Variants in POU2AF1 observed in about 807,000 individuals in gnomAD.
POU2AF1 encodes POU domain class 2-associating factor 1.
A neutral mutation model predicts 26.3 loss-of-function variants in POU2AF1; 12 were observed. That is an observed-to-expected ratio of 0.46 (90% confidence interval 0.29 to 0.74). The LOEUF is 0.74. POU2AF1 is among the 30% of genes least tolerant of loss of function. POU2AF1 has a pLI of 0.09. For synonymous variants in POU2AF1, 175 were observed against 148.0 expected (o/e 1.18, Z -1.32); for missense variants, 297 against 334.5 (o/e 0.89, Z 0.87).
At chr11:111,361,579 T>C (rs528861622) in intron 1 of POU2AF1, among the ~76,000 whole-genome samples, 54 of 152,312 alleles carry the variant, frequency 3.5e-4, no homozygotes, top group African/African-American at 1.2e-3. Flanking sequence ...TACATGTGGT[T>C]TTAATTATCT....
chr11:111,359,866 A>G (rs1032643637), intron 1 of POU2AF1: 1 of 495,698 alleles, frequency 2.0e-6, no homozygotes, highest in East Asian at 5.6e-5. Flanking sequence ...ATTCTTTAAG[A>G]CATGCTGCCA....
chr11:111,377,774 C>T (rs1486610993), intron 1 of POU2AF1: 1 of 182,662 alleles, frequency 5.5e-6, no homozygotes, highest in African/African-American at 2.4e-5. Context: ...GAATGCCCAC[C>T]TGCTCTCATC....
Position 111,354,563 on chromosome 11 carries a change from C to A in POU2AF1, c.469G>T (p.Ala157Ser). The change falls in exon 5 of 5, where the codon GCC (alanine) becomes TCC (serine). Residue 157 changes from alanine (A) to serine (S), a missense_variant. By Grantham distance (99) the Ala-to-Ser change is moderately conservative. Transcript: ENST00000393067. ...LITNVTTRSS[A>S]TPAVGPPLEG... ...AGCGGGGGCCCCACTGCGGGCGTGG[C>A]GGAGCTTCTTGTCTGTGACAGGAAA... 1 of 1,526,872 alleles carries A rather than the reference C, an allele frequency of 6.5e-7. No homozygotes were observed. Among genetic ancestry groups the A allele is most frequent in the Admixed American group, 2.3e-5 (1 of 43,130 alleles). The allele number at this position is 1,526,872 out of a possible 1,614,324, so 94.6% of individuals were successfully genotyped here.
intron 1 of POU2AF1, among the ~76,000 whole-genome samples, chr11:111,365,908 T>G (rs1182731386): frequency 4.6e-5 from 7 of 152,244 alleles, no homozygotes; most frequent in African/African-American, 1.7e-4. Flanking sequence ...GAATTTTGTT[T>G]GTACTTGTGG....
intron 4 of POU2AF1, among the ~76,000 whole-genome samples, chr11:111,356,711 G>T (rs1860852710): frequency 6.6e-6 from 1 of 152,174 alleles, no homozygotes; most frequent in African/African-American, 2.4e-5. Flanking sequence ...AATGTTAGCA[G>T]ATTTTGATAT....
chr11:111,354,650 G>C (rs1860808417), intron 4 of POU2AF1, 75 bp from the exon 5 acceptor site: 2 of 1,261,628 alleles, frequency 1.6e-6, no homozygotes, highest in Non-Finnish European at 1.1e-6. Flanking sequence ...CCTTAGAGGG[G>C]TCTCCATCTC....
At position 111,357,704 on chromosome 11, in the gene POU2AF1, G is replaced by A; in HGVS notation, c.197C>T (p.Ser66Phe). 6.2e-7 allele frequency: 1 copy of A among 1,612,602 alleles called. No individual in the cohort carries two copies. Among genetic ancestry groups the A allele is most frequent in the Non-Finnish European group, 8.5e-7 (1 of 1,179,296 alleles). ...CACAGAACCTTCCATGTCCAGGCAGGAAGGACCTGTGGGAAGAAGGAAATT... is the reference window on the plus strand; with the variant it reads ...CACAGAACCTTCCATGTCCAGGCAGAAAGGACCTGTGGGAAGAAGGAAATT... ...PLATYTTVGPSCLDMEGSVSA... is the reference protein window; with the variant it reads ...PLATYTTVGPFCLDMEGSVSA... Residue 66 changes from serine to phenylalanine, a missense_variant, in exon 4 of 5, where the codon TCC becomes TTC. By Grantham distance (155) the Ser-to-Phe change is radical (BLOSUM62 -2). Coordinates refer to ENST00000393067, the MANE Select transcript of POU2AF1 (RefSeq NM_006235.3).
intron 4 of POU2AF1, among the ~76,000 whole-genome samples, chr11:111,355,315 C>G (rs1306026392): frequency 6.6e-6 from 1 of 152,254 alleles, no homozygotes; most frequent in Non-Finnish European, 1.5e-5. Context: ...GAGTCCTTCT[C>G]CTGAATGCTC....
chr11:111,355,085 C>G (rs1369148372), intron 4 of POU2AF1, among the ~76,000 whole-genome samples: 1 of 152,220 alleles, frequency 6.6e-6, no homozygotes, highest in Non-Finnish European at 1.5e-5. Flanking sequence ...TGGAGGTCCC[C>G]TTGGGCCAAC....
intron 1 of POU2AF1, among the ~76,000 whole-genome samples, chr11:111,376,582 T>C (rs1462808386): frequency 6.6e-6 from 1 of 152,200 alleles, no homozygotes; most frequent in Non-Finnish European, 1.5e-5. Context: ...TCACATTTAG[T>C]CCACAAACTA....
chr11:111,364,531 C>T (rs1420135961), intron 1 of POU2AF1, among the ~76,000 whole-genome samples: 2 of 152,216 alleles, frequency 1.3e-5, no homozygotes, highest in African/African-American at 2.4e-5. Flanking sequence ...GGTAACTTCT[C>T]TTCTGGGGCA....
chr11:111,358,544 A>G (rs1860926278), intron 2 of POU2AF1, among the ~76,000 whole-genome samples: 1 of 150,316 alleles, frequency 6.7e-6, no homozygotes, highest in Non-Finnish European at 1.5e-5. Context: ...ACACACAAAC[A>G]CATACACACT....
At chr11:111,375,201 A>G (rs1000110229) in intron 1 of POU2AF1, among the ~76,000 whole-genome samples, 1 of 152,210 alleles carries the variant, frequency 6.6e-6, no homozygotes. Context: ...CAACAACAAT[A>G]AAAAGCAACT....
At chr11:111,372,053 C>CAGAGAG (rs1452632987) in intron 1 of POU2AF1, among the ~76,000 whole-genome samples, 37 of 128,166 alleles carry the variant, frequency 2.9e-4, no homozygotes, top group African/African-American at 8.8e-4. Flanking sequence ...CACACACACA[C>CAGAGAG]ACACACACAC....
chr11:111,362,456 C>G (rs1374344975), intron 1 of POU2AF1, among the ~76,000 whole-genome samples: 1 of 152,246 alleles, frequency 6.6e-6, no homozygotes, highest in East Asian at 1.9e-4. Context: ...CCCACTCCCA[C>G]TCCCCCTGCT....
At chr11:111,372,069 C>CAGAGAGAGAGAGAGAGAGAGAGAGAG (rs150182572) in intron 1 of POU2AF1, among the ~76,000 whole-genome samples, 1 of 144,260 alleles carries the variant, frequency 6.9e-6, no homozygotes, top group African/African-American at 2.7e-5. Context: ...CACACACACA[C>CAGAGAGAGAGAGAGAGAGAGAGAGAG]AGAGAGAGAG....
chr11:111,353,773 G>A lies in POU2AF1; in HGVS notation c.*488C>T. On this transcript the variant is annotated 3_prime_UTR_variant, in exon 5 of 5. Coordinates refer to ENST00000393067, the MANE Select transcript of POU2AF1 (RefSeq NM_006235.3). Reference sequence around the variant, plus strand: ...CCAAGAAATGAAATGTGACAGAAATGAAAGCCCATGGACCACAGACTTGGC... The same window carrying A: ...CCAAGAAATGAAATGTGACAGAAATAAAAGCCCATGGACCACAGACTTGGC... The A allele has an allele frequency of 4.0e-6, 1 of 247,656 alleles. No homozygotes were observed. The highest frequency in any genetic ancestry group is 7.8e-6 in the Non-Finnish European group (1 of 129,018). The allele number at this position is 247,656 out of a possible 1,614,324, so 15.3% of individuals were successfully genotyped here.
Position 111,352,984 on chromosome 11 carries a change from AGG to A in POU2AF1, c.*1275_*1276del. On this transcript the variant is annotated 3_prime_UTR_variant, in exon 5 of 5. Coordinates refer to ENST00000393067, the MANE Select transcript of POU2AF1 (RefSeq NM_006235.3). ...GAGAGAGGAAGGAAGGAAGGAAGGA[AGG>A]AAGGAAAGAAGGAAGGAAGGAAGGA... 4.0e-5 allele frequency: 3 copies of A among 75,006 alleles called. No individual in the cohort carries two copies. The East Asian group carries it at 5.3e-4, about 13-fold the overall frequency. The allele number at this position is 75,006 out of a possible 1,614,324, so 4.6% of individuals were successfully genotyped here. A position where few individuals can be genotyped will look rare whatever the true frequency, so the allele number is the denominator to read the frequency against.
chr11:111,373,283 T>G (rs1317107088), intron 1 of POU2AF1, among the ~76,000 whole-genome samples: 2 of 152,246 alleles, frequency 1.3e-5, no homozygotes, highest in Non-Finnish European at 2.9e-5. Flanking sequence ...CTCTTAGCAA[T>G]GCCCAAAGGT....
Sources: gnomAD v4.1 joint callset for allele counts (sites outside exome capture counted in the v4.1 genomes callset) on GRCh38, gnomAD v4.1.1 for gene constraint, MANE v1.5 for transcripts, NCBI Gene and HGNC (gene_info 2026-07-23, HGNC 2026-07-21) for gene names.